STEAP1B: variants seen among roughly 807,000 people sequenced by gnomAD.
STEAP1B encodes STEAP family protein MGC87042.
STEAP1B carries 13 observed loss-of-function variants against 27.9 expected under a neutral mutation model. The observed-to-expected ratio is 0.47, with a 90% CI of 0.30 to 0.74. STEAP1B has a LOEUF of 0.74. Among genes scored for constraint, STEAP1B ranks in the 30% least tolerant of loss-of-function variants. The pLI is 0.06. For missense variants in STEAP1B, 250 were observed against 298.7 expected (o/e 0.84, Z 1.20); for synonymous variants, 86 against 107.1 (o/e 0.80, Z 1.22).
intron 4 of STEAP1B, among the ~76,000 whole-genome samples, chr7:22,456,972 A>ATATATATATATATATATTTT: frequency 1.8e-5 from 1 of 57,046 alleles, no homozygotes; most frequent in African/African-American, 7.0e-5. Flanking sequence ...ATATATATAT[A>ATATATATATATATATATTTT]TTTTTTTTTT....
intron 4 of STEAP1B, among the ~76,000 whole-genome samples, chr7:22,473,077 C>A (rs978592596): frequency 6.6e-6 from 1 of 152,010 alleles, no homozygotes; most frequent in East Asian, 1.9e-4. Context: ...AGAGTGAAAG[C>A]AAAGGTGGAA....
chr7:22,478,774 T>C (rs1448568569), intron 4 of STEAP1B, among the ~76,000 whole-genome samples: 1 of 152,244 alleles, frequency 6.6e-6, no homozygotes, highest in Admixed American at 6.5e-5. Context: ...CATTGAGCAC[T>C]TAAAATGCGA....
intron 4 of STEAP1B, among the ~76,000 whole-genome samples, chr7:22,426,310 C>A (rs1785106756): frequency 6.6e-6 from 1 of 151,998 alleles, no homozygotes; most frequent in Non-Finnish European, 1.5e-5. Context: ...TAGTTAACAT[C>A]ACAAGAAAGT....
intron 4 of STEAP1B, among the ~76,000 whole-genome samples, chr7:22,424,985 T>TA (rs1785088540): frequency 6.6e-6 from 1 of 152,166 alleles, no homozygotes; most frequent in African/African-American, 2.4e-5. Context: ...ACTAAAGTAT[T>TA]AAGTGTCACC....
chr7:22,494,972 T>C, intron 1 of STEAP1B, 86 bp from the exon 2 acceptor site: 1 of 666,434 alleles, frequency 1.5e-6, no homozygotes, highest in South Asian at 2.6e-5. Flanking sequence ...TTTACTTGCT[T>C]AAAGACTAGA....
chr7:22,463,986 C>G (rs551089834), intron 4 of STEAP1B, among the ~76,000 whole-genome samples: 3 of 151,814 alleles, frequency 2.0e-5, no homozygotes, highest in Non-Finnish European at 4.4e-5. Context: ...AGCATCTGCA[C>G]AGCAAAAGAA....
intron 4 of STEAP1B, among the ~76,000 whole-genome samples, chr7:22,438,046 A>G (rs1785276623): frequency 1.3e-5 from 2 of 152,082 alleles, no homozygotes; most frequent in African/African-American, 4.8e-5. Context: ...ACTTTCTTCC[A>G]TTCCATAGGT....
At chr7:22,452,691 G>A (rs1785510252) in intron 4 of STEAP1B, among the ~76,000 whole-genome samples, 4 of 152,072 alleles carry the variant, frequency 2.6e-5, no homozygotes, top group Admixed American at 2.0e-4. Context: ...CTTCAGTCTC[G>A]GGGTAAAAAC....
intron 4 of STEAP1B, among the ~76,000 whole-genome samples, chr7:22,424,108 A>G (rs1785077362): frequency 6.6e-6 from 1 of 152,200 alleles, no homozygotes; most frequent in Non-Finnish European, 1.5e-5. Context: ...AATAAGTACT[A>G]ATACCTTGAC....
At chr7:22,432,997 G>A (rs572594472) in intron 4 of STEAP1B, among the ~76,000 whole-genome samples, 58 of 152,188 alleles carry the variant, frequency 3.8e-4, no homozygotes, top group African/African-American at 1.2e-3. Flanking sequence ...CAGCTCTGCC[G>A]TTCCTGCCAG....
chr7:22,433,322 A>C (rs1029910651), intron 4 of STEAP1B, among the ~76,000 whole-genome samples: 8 of 126,168 alleles, frequency 6.3e-5, no homozygotes, highest in African/African-American at 2.4e-4. Context: ...TTGTAACCCC[A>C]GGGAGAGAGG....
At chr7:22,464,370 G>A (rs893660410) in intron 4 of STEAP1B, among the ~76,000 whole-genome samples, 13 of 152,132 alleles carry the variant, frequency 8.5e-5, no homozygotes, top group Non-Finnish European at 1.6e-4. Context: ...TACTGAGGGT[G>A]TGTTCTACTA....
chr7:22,423,445 T>C (rs1319228040), intron 4 of STEAP1B, among the ~76,000 whole-genome samples: 1 of 152,204 alleles, frequency 6.6e-6, no homozygotes. Flanking sequence ...AGAAATGGCA[T>C]ACTGATACAT....
At chr7:22,480,607 A>G (rs1786052183) in intron 4 of STEAP1B, among the ~76,000 whole-genome samples, 1 of 152,248 alleles carries the variant, frequency 6.6e-6, no homozygotes, top group Non-Finnish European at 1.5e-5. Flanking sequence ...CTATTGAGAA[A>G]AATGGCTCCA....
chr7:22,448,667 T>C (rs1785442236), intron 4 of STEAP1B, among the ~76,000 whole-genome samples: 1 of 152,036 alleles, frequency 6.6e-6, no homozygotes, highest in Non-Finnish European at 1.5e-5. Flanking sequence ...TCAGGAGAGG[T>C]ATACTTTTTT....
intron 4 of STEAP1B, among the ~76,000 whole-genome samples, chr7:22,464,381 A>T (rs1234148476): frequency 1.3e-5 from 2 of 151,984 alleles, no homozygotes; most frequent in Non-Finnish European, 1.5e-5. Flanking sequence ...TGTTCTACTA[A>T]CTCACTTTTT....
intron 4 of STEAP1B, among the ~76,000 whole-genome samples, chr7:22,429,514 T>C (rs940025673): frequency 6.6e-6 from 1 of 152,150 alleles, no homozygotes; most frequent in Non-Finnish European, 1.5e-5. Context: ...AAACCCTATA[T>C]ATACTATAGC....
intron 4 of STEAP1B, among the ~76,000 whole-genome samples, chr7:22,449,983 T>C (rs150150359): frequency 3.3e-5 from 5 of 152,336 alleles, no homozygotes; most frequent in East Asian, 3.9e-4. Flanking sequence ...CATTTGAAAA[T>C]TGGATTAGAT....
At position 22,430,896 on chromosome 7, in the gene STEAP1B, T is replaced by C. The variant is rs1375526728; in HGVS notation, c.763-11060A>G. 2.0e-5 allele frequency among the ~76,000 whole-genome samples: 3 copies of C among 152,246 alleles called. No individual in the cohort carries two copies. In the East Asian group the frequency reaches 5.8e-4, roughly 29 times the overall value. On this transcript the variant is annotated intron_variant, in intron 4 of 4. Transcript: ENST00000678116. ...ACAACAGACATGGAACCCTTGGCTC[T>C]ATGATTCTCAGCGTCTCTCTGCCAT... is the stretch of plus-strand genomic sequence containing the variant.
Sources: allele counts gnomAD v4.1 joint callset (sites outside exome capture counted in the v4.1 genomes callset), GRCh38; gene constraint gnomAD v4.1.1; transcripts MANE v1.5; gene names NCBI Gene and HGNC (gene_info 2026-07-23, HGNC 2026-07-21).